PRTG: variants seen among roughly 807,000 people sequenced by gnomAD.
PRTG encodes the protein protogenin.
A neutral mutation model predicts 122.5 loss-of-function variants in PRTG; 67 were observed. The observed-to-expected ratio is 0.55, with a 90% CI of 0.45 to 0.67. The LOEUF is 0.67. PRTG is among the 30% of genes least tolerant of loss of function. The pLI is 0.00. For synonymous variants in PRTG, 554 were observed against 501.1 expected (o/e 1.11, Z -1.41); for missense variants, 1,435 against 1,415.4 (o/e 1.01, Z -0.22).
At chr15:55,656,051 T>C (rs149839894) in intron 11 of PRTG, 17 of 176,422 alleles carry the variant, frequency 9.6e-5, no homozygotes, top group African/African-American at 3.8e-4. Flanking sequence ...TACTGTGACA[T>C]TTTCCCCCTA....
At chr15:55,731,814 T>C (rs1276146387) in intron 2 of PRTG, among the ~76,000 whole-genome samples, 1 of 152,178 alleles carries the variant, frequency 6.6e-6, no homozygotes, top group Non-Finnish European at 1.5e-5. Flanking sequence ...CACTGGAATA[T>C]ACTACTAATT....
chr15:55,697,937 A>G (rs923374722), intron 2 of PRTG, among the ~76,000 whole-genome samples: 6 of 152,268 alleles, frequency 3.9e-5, no homozygotes, highest in Admixed American at 2.0e-4. Flanking sequence ...AGCTATTTCT[A>G]TTATCTTGCT....
At chr15:55,696,091 G>C (rs1435098057) in intron 2 of PRTG, among the ~76,000 whole-genome samples, 1 of 151,944 alleles carries the variant, frequency 6.6e-6, no homozygotes, top group Non-Finnish European at 1.5e-5. Flanking sequence ...GGAACACAGG[G>C]AGATCCCATT....
At chr15:55,724,628 G>A (rs2030957936) in intron 2 of PRTG, among the ~76,000 whole-genome samples, 1 of 152,012 alleles carries the variant, frequency 6.6e-6, no homozygotes, top group Non-Finnish European at 1.5e-5. Context: ...GTGTGGTGGT[G>A]CATGCCTGTA....
intron 13 of PRTG, 56 bp downstream of exon 13, chr15:55,639,586 G>C: frequency 6.8e-7 from 1 of 1,475,528 alleles, no homozygotes; most frequent in Non-Finnish European, 9.4e-7. Flanking sequence ...GTAGAAGTTG[G>C]AGTGGGGGTG....
intron 2 of PRTG, among the ~76,000 whole-genome samples, chr15:55,730,259 G>A (rs1435955189): frequency 3.3e-5 from 5 of 151,748 alleles, no homozygotes; most frequent in Admixed American, 6.6e-5. Flanking sequence ...TTGCCACCAC[G>A]CCCAGCTAAT....
chr15:55,696,106 C>CA lies in PRTG; in HGVS notation c.398-12176dup, dbSNP rs1244847036. 5.3e-5 allele frequency among the ~76,000 whole-genome samples: 8 copies of CA among 151,440 alleles called. No homozygotes were observed. The East Asian group carries it at 7.8e-4, about 15-fold the overall frequency. On this transcript the variant is annotated intron_variant, in intron 2 of 19. Transcript: ENST00000389286. Reference sequence around the variant, plus strand: ...GGAACACAGGGAGATCCCATTTCTACAAAAAAAATGAGTTGGGTGTGGTGG... The same window carrying CA: ...GGAACACAGGGAGATCCCATTTCTACAAAAAAAAATGAGTTGGGTGTGGTGG...
rs763684633 is a variant in PRTG at position 55,678,023 on chromosome 15, A to G, written c.1155T>C (p.Ile385=). The G allele has an allele frequency of 6.3e-7, 1 of 1,593,846 alleles. No homozygotes were observed. Among genetic ancestry groups the G allele is most frequent in the African/African-American group, 1.3e-5 (1 of 74,566 alleles). Residue 385 remains isoleucine, a synonymous_variant, in exon 8 of 20, where the codon ATT becomes ATC. Transcript: ENST00000389286. ...MYNSKLVINQ[I]IPEDDAIYQC... ...GATAAATAGCATCATCTTCAGGAAT[A>G]ATCTGGTTAATTACCAATTTACTAG... is the stretch of plus-strand genomic sequence containing the variant.
At chr15:55,715,462 G>A (rs574354746) in intron 2 of PRTG, among the ~76,000 whole-genome samples, 23 of 152,292 alleles carry the variant, frequency 1.5e-4, no homozygotes, top group African/African-American at 5.3e-4. Context: ...AAGCAGGAGC[G>A]TGAAGCCCTG....
At chr15:55,715,398 G>T (rs1386500798) in intron 2 of PRTG, among the ~76,000 whole-genome samples, 1 of 152,144 alleles carries the variant, frequency 6.6e-6, no homozygotes, top group Non-Finnish European at 1.5e-5. Flanking sequence ...ATAAACAGAG[G>T]TATTAGACTA....
intron 11 of PRTG, among the ~76,000 whole-genome samples, chr15:55,660,930 A>C (rs1449580920): frequency 6.6e-6 from 1 of 152,154 alleles, no homozygotes. Context: ...CAAAGGTCTC[A>C]ATTTGATGCG....
chr15:55,654,593 C>A (rs1465328713), intron 11 of PRTG, among the ~76,000 whole-genome samples: 2 of 152,112 alleles, frequency 1.3e-5, no homozygotes, highest in African/African-American at 4.8e-5. Context: ...CTAAAAGCAT[C>A]CGAAGTAGAA....
intron 2 of PRTG, among the ~76,000 whole-genome samples, chr15:55,686,818 C>T (rs1187374483): frequency 1.3e-5 from 2 of 152,134 alleles, no homozygotes; most frequent in African/African-American, 4.8e-5. Flanking sequence ...TGAACATTTC[C>T]TTCTCTTGCT....
At chr15:55,716,776 G>A (rs543798441) in intron 2 of PRTG, among the ~76,000 whole-genome samples, 104 of 152,150 alleles carry the variant, frequency 6.8e-4, no homozygotes, top group Non-Finnish European at 1.3e-3. Context: ...TTTAACAGCA[G>A]CGTGGAAAAA....
chr15:55,731,366 C>CTTTTTT lies in PRTG; in HGVS notation c.397+9010_397+9015dup, dbSNP rs10658460. The stretch of plus-strand genomic sequence containing the variant: ...GGAGAAGAAATTACACCTTATCATT[C>CTTTTTT]TTTTTTTTTTTTTTTTTTTTTGGAG... On this transcript the variant is annotated intron_variant, in intron 2 of 19. Transcript: ENST00000389286. Among the ~76,000 whole-genome samples, 39 of 103,730 alleles carry CTTTTTT rather than the reference C, an allele frequency of 3.8e-4. 1 individual carries two copies. Among genetic ancestry groups the CTTTTTT allele is most frequent in the South Asian group, 6.5e-4 (2 of 3,056 alleles). The allele number at this position is 103,730 out of a possible 152,430, so 68.1% of individuals were successfully genotyped here.
At chr15:55,695,963 C>A (rs985650195) in intron 2 of PRTG, among the ~76,000 whole-genome samples, 1 of 151,470 alleles carries the variant, frequency 6.6e-6, no homozygotes, top group African/African-American at 2.4e-5. Flanking sequence ...AGTGTGAGAC[C>A]CCATCTCAAA....
chr15:55,699,347 T>A (rs2059649498), intron 2 of PRTG, among the ~76,000 whole-genome samples: 1 of 152,110 alleles, frequency 6.6e-6, no homozygotes, highest in Non-Finnish European at 1.5e-5. Context: ...AGAGAACAAG[T>A]TTCATGAAGT....
chr15:55,707,182 T>C (rs995965164), intron 2 of PRTG, among the ~76,000 whole-genome samples: 6 of 152,242 alleles, frequency 3.9e-5, no homozygotes, highest in Non-Finnish European at 7.3e-5. Flanking sequence ...CACTTGCTAT[T>C]GAATTCTTAT....
chr15:55,638,306 G>T (rs1407478556), intron 14 of PRTG, among the ~76,000 whole-genome samples: 2 of 151,888 alleles, frequency 1.3e-5, no homozygotes, highest in African/African-American at 2.4e-5. Flanking sequence ...TTTTTTTAAG[G>T]TTTCTAAAAG....
Sources: allele counts gnomAD v4.1 joint callset (sites outside exome capture counted in the v4.1 genomes callset), GRCh38; gene constraint gnomAD v4.1.1; transcripts MANE v1.5; gene names NCBI Gene and HGNC (gene_info 2026-07-23, HGNC 2026-07-21).